Variants in ELP1 observed in about 807,000 individuals in gnomAD.
ELP1 encodes the protein elongator complex protein 1.
ELP1 carries 131 observed loss-of-function variants against 183.2 expected under a neutral mutation model. That is an observed-to-expected ratio of 0.72 (90% CI 0.62 to 0.83). The LOEUF (loss-of-function observed/expected upper bound fraction) is 0.83, where lower values mean the gene tolerates loss of function less well. Among genes scored for constraint, ELP1 ranks in the 40% least tolerant of loss-of-function variants. The pLI is 0.00. For missense variants in ELP1, 1,550 were observed against 1,594.9 expected, an observed-to-expected ratio of 0.97 and a Z score of 0.48; for synonymous variants, 555 against 569.0, an observed-to-expected ratio of 0.98 and a Z score of 0.35.
At chr9:108,917,468 A>C (rs1829481376) in intron 9 of ELP1, 79 bp downstream of exon 9, 1 of 114,970 alleles carries the variant, frequency 8.7e-6, no homozygotes, top group Non-Finnish European at 1.3e-5. Context: ...ACTCCATCTC[A>C]AAAAAAAAAA....
chr9:108,916,230 T>C lies in ELP1; in HGVS notation c.932A>G (p.Glu311Gly). The C allele has an allele frequency of 6.2e-7, 1 of 1,614,144 alleles. No individual in the cohort carries two copies. The highest frequency in any genetic ancestry group is 1.1e-5 in the South Asian group (1 of 91,082). ...ACAGGTTTTCGGAATGGAGCTTTCT[T>C]CTCTCTGAAGGTCTTCCAGCCAGAC... is the stretch of plus-strand genomic sequence containing the variant. ...LAVWLEDLQR[E>G]ESSIPKTCVQ... is the part of the protein sequence containing the mutation. The change falls in exon 10 of 37, where the codon GAA (glutamate) becomes GGA (glycine). Residue 311 changes from glutamate (E) to glycine (G), a missense_variant. Glu to Gly is a moderately conservative substitution (Grantham distance 98). Coordinates refer to ENST00000374647, the MANE Select transcript of ELP1 (RefSeq NM_003640.5).
intron 24 of ELP1, 96 bp from the exon 25 acceptor site, chr9:108,896,740 A>G: frequency 8.1e-7 from 1 of 1,241,834 alleles, no homozygotes; most frequent in Non-Finnish European, 1.2e-6. Context: ...ATTTTTCTCA[A>G]TAGAACTGGA....
chr9:108,913,249 T>C (rs1829302041), intron 10 of ELP1, among the ~76,000 whole-genome samples: 2 of 152,224 alleles, frequency 1.3e-5, no homozygotes, highest in South Asian at 4.1e-4. Context: ...GGGCTTAAGA[T>C]GCTTATTTTC....
intron 15 of ELP1, 71 bp downstream of exon 15, chr9:108,903,492 C>A: frequency 2.9e-6 from 3 of 1,038,788 alleles, no homozygotes; most frequent in Non-Finnish European, 4.5e-6. Context: ...TGACAAGATA[C>A]AAGTACATGT....
rs748586071 is a variant in ELP1, at chr9:108,906,309, T to C, written c.1637A>G (p.Asn546Ser). ...SEMDEEHGQL[N>S]VSSSAAVDGV... is the part of the protein sequence containing the mutation. ...CAGGGAAAAACTGCAATACCTGACA[T>C]TGAGCTGTCCATGCTCTTCATCCAT... Residue 546 changes from asparagine (N) to serine (S), a missense_variant, in exon 14 of 37, where the codon AAT becomes AGT. Coordinates refer to ENST00000374647, the MANE Select transcript of ELP1 (RefSeq NM_003640.5). The C allele has an allele frequency of 9.9e-6, 16 of 1,613,810 alleles. No individual in the cohort carries two copies. The African/African-American group carries it at 1.3e-4, about 13-fold the overall frequency.
intron 5 of ELP1, 119 bp from the exon 6 acceptor site, chr9:108,923,046 A>G (rs1316958045): frequency 3.8e-6 from 3 of 789,602 alleles, no homozygotes; most frequent in South Asian, 1.4e-5. Context: ...ACGCCTCTCA[A>G]TAAATTGACC....
chr9:108,888,984 G>A (rs999957754), intron 29 of ELP1, among the ~76,000 whole-genome samples: 10 of 152,186 alleles, frequency 6.6e-5, no homozygotes, highest in Non-Finnish European at 1.3e-4. Context: ...CCAAGAGTAT[G>A]TAGCCTTCAA....
rs536004124 is a variant in ELP1, at chr9:108,927,548, G to A, written c.304-95C>T. 9.0e-5 allele frequency: 85 copies of A among 944,796 alleles called. No homozygotes were observed. In the Middle Eastern group the frequency reaches 2.7e-3, roughly 30 times the overall value. The allele number at this position is 944,796 out of a possible 1,614,324, so 58.5% of individuals were successfully genotyped here. A position where few individuals can be genotyped will look rare whatever the true frequency, so the allele number is the denominator to read the frequency against. The stretch of plus-strand genomic sequence containing the variant: ...ATCAAAACAATTAAAAAAACAAAAC[G>A]AAAAGACATCAGTATATGGAAGAGA... On this transcript the variant is annotated intron_variant, in intron 3 of 36. Transcript: ENST00000374647.
At chr9:108,890,087 TAGC>T (rs894366274) in intron 28 of ELP1, among the ~76,000 whole-genome samples, 3 of 152,062 alleles carry the variant, frequency 2.0e-5, no homozygotes, top group African/African-American at 7.2e-5. Flanking sequence ...ACATGGGAAA[TAGC>T]AAGCTAAGAG....
At chr9:108,933,183 C>T (rs777913943) in intron 1 of ELP1, among the ~76,000 whole-genome samples, 1 of 152,200 alleles carries the variant, frequency 6.6e-6, no homozygotes, top group Non-Finnish European at 1.5e-5. Flanking sequence ...ATTCTTCCCC[C>T]AAATGACAGT....
chr9:108,918,929 T>C (rs1352537614), intron 7 of ELP1, 28 bp from the exon 8 acceptor site: 2 of 1,497,558 alleles, frequency 1.3e-6, no homozygotes, highest in Non-Finnish European at 1.9e-6. Flanking sequence ...CAAACACACA[T>C]ACACACTTAA....
At chr9:108,931,711 T>C (rs149199160) in intron 1 of ELP1, among the ~76,000 whole-genome samples, 1,607 of 152,278 alleles carry the variant, frequency 0.011, 25 homozygotes, top group African/African-American at 0.037. Flanking sequence ...ATAAAAAAAC[T>C]GAAATCAAAG....
intron 6 of ELP1, 144 bp downstream of exon 6, chr9:108,922,698 T>C: frequency 2.8e-6 from 2 of 723,684 alleles, no homozygotes; most frequent in East Asian, 2.5e-5. Flanking sequence ...GAGGGATTCA[T>C]TTCCTGAAGG....
intron 35 of ELP1, among the ~76,000 whole-genome samples, chr9:108,876,263 C>A (rs1470365392): frequency 2.0e-5 from 3 of 152,094 alleles, no homozygotes; most frequent in Non-Finnish European, 4.4e-5. Flanking sequence ...CAGAGTGAGA[C>A]CCTGTCTCAA....
At chr9:108,893,136 G>A (rs1828407950) in intron 26 of ELP1, 53 bp from the exon 27 acceptor site, 1 of 1,251,750 alleles carries the variant, frequency 8.0e-7, no homozygotes, top group South Asian at 1.2e-5. Context: ...GAAGCATAAT[G>A]GACTTCATTT....
chr9:108,884,710 A>T (rs1478890240), intron 29 of ELP1, among the ~76,000 whole-genome samples: 1 of 152,208 alleles, frequency 6.6e-6, no homozygotes, highest in Admixed American at 6.5e-5. Flanking sequence ...AACATAACTA[A>T]AACGGTGCTT....
intron 28 of ELP1, among the ~76,000 whole-genome samples, chr9:108,890,877 C>T (rs1234059313): frequency 6.6e-6 from 1 of 152,186 alleles, no homozygotes; most frequent in Non-Finnish European, 1.5e-5. Flanking sequence ...ATGATTCTAA[C>T]TTCTCCCCAC....
At chr9:108,884,637 G>A (rs1320193646) in intron 29 of ELP1, among the ~76,000 whole-genome samples, 1 of 151,984 alleles carries the variant, frequency 6.6e-6, no homozygotes, top group Non-Finnish European at 1.5e-5. Context: ...AATAAGCCAA[G>A]GTTCAATAAA....
At chr9:108,917,983 A>T (rs141690272) in intron 8 of ELP1, among the ~76,000 whole-genome samples, 140 of 152,338 alleles carry the variant, frequency 9.2e-4, no homozygotes, top group African/African-American at 3.2e-3. Context: ...TATCTAAACC[A>T]TTCCAGGTAT....
Sources: allele counts gnomAD v4.1 joint callset (sites outside exome capture counted in the v4.1 genomes callset), GRCh38; gene constraint gnomAD v4.1.1; transcripts MANE v1.5; gene names NCBI Gene and HGNC (gene_info 2026-07-23, HGNC 2026-07-21).